TNKS: variants seen among roughly 807,000 people sequenced by gnomAD.
TNKS encodes poly [ADP-ribose] polymerase tankyrase-1.
In TNKS, 72 loss-of-function variants were observed where a neutral mutation model predicts 135.8. The observed-to-expected ratio is 0.53, with a 90% CI of 0.44 to 0.64. The LOEUF (loss-of-function observed/expected upper bound fraction) is 0.64. TNKS is among the 30% of genes least tolerant of loss of function. The probability of loss-of-function intolerance (pLI) is 0.00; values close to 1 mark genes in which losing one functional copy is unlikely to be tolerated. For missense variants in TNKS, 1,769 were observed against 1,674.0 expected, an observed-to-expected ratio of 1.06 and a Z score of -0.99; for synonymous variants, 849 against 649.3, an observed-to-expected ratio of 1.31 and a Z score of -4.68.
chr8:9,654,622 T>A (rs35882522), intron 3 of TNKS, among the ~76,000 whole-genome samples: 1 of 152,228 alleles, frequency 6.6e-6, no homozygotes, highest in Non-Finnish European at 1.5e-5. Flanking sequence ...AAAGTCTATG[T>A]CAGGTAAAAT....
chr8:9,652,608 A>G (rs901694000), intron 3 of TNKS, among the ~76,000 whole-genome samples: 1 of 152,186 alleles, frequency 6.6e-6, no homozygotes, highest in Non-Finnish European at 1.5e-5. Context: ...TTAAATATTA[A>G]TTCTTTTCAT....
chr8:9,769,870 C>T (rs1563223726), intron 25 of TNKS, among the ~76,000 whole-genome samples: 2 of 151,934 alleles, frequency 1.3e-5, no homozygotes, highest in East Asian at 1.9e-4. Flanking sequence ...TTTCTATGGC[C>T]GATTCCTAAG....
chr8:9,723,740 C>A (rs139316485), intron 12 of TNKS, among the ~76,000 whole-genome samples: 1,656 of 152,240 alleles, frequency 0.011, 14 homozygotes, highest in Admixed American at 0.016. Flanking sequence ...TTCAGGTATT[C>A]CGTAGTCACA....
rs781050349 is a variant in TNKS at position 9,608,515 on chromosome 8, G to A, written c.899-7067G>A. 2.0e-4 allele frequency among the ~76,000 whole-genome samples: 31 copies of A among 151,796 alleles called. 1 individual carries two copies. Among genetic ancestry groups the A allele is most frequent in the East Asian group, 3.9e-4 (2 of 5,180 alleles). Reference sequence around the variant, plus strand: ...CACTGCTCTTTCTCTAGCACCTTGCGACCTCTACTCACTTTGTTGTGCTCT... The same window carrying A: ...CACTGCTCTTTCTCTAGCACCTTGCAACCTCTACTCACTTTGTTGTGCTCT... On this transcript the variant is annotated intron_variant, in intron 2 of 26. Coordinates refer to ENST00000310430, the MANE Select transcript of TNKS (RefSeq NM_003747.3).
At chr8:9,711,075 A>G (rs998377425) in intron 11 of TNKS, among the ~76,000 whole-genome samples, 2 of 152,156 alleles carry the variant, frequency 1.3e-5, no homozygotes, top group African/African-American at 4.8e-5. Context: ...ACTTGAAATT[A>G]TAGATTTTTT....
intron 2 of TNKS, among the ~76,000 whole-genome samples, chr8:9,588,331 A>G (rs1448373794): frequency 6.6e-6 from 1 of 151,992 alleles, no homozygotes; most frequent in Non-Finnish European, 1.5e-5. Context: ...CTGGAGTACA[A>G]TGGCGGGATC....
chr8:9,733,508 A>G, intron 15 of TNKS, 64 bp downstream of exon 15: 1 of 1,399,838 alleles, frequency 7.1e-7, no homozygotes. Context: ...ATTACTTGAA[A>G]GTAAGTTGGG....
At chr8:9,669,300 C>A (rs1337412230) in intron 3 of TNKS, among the ~76,000 whole-genome samples, 1 of 151,358 alleles carries the variant, frequency 6.6e-6, no homozygotes, top group Non-Finnish European at 1.5e-5. Context: ...CGCCTGTAGT[C>A]CCAGCTACTC....
chr8:9,687,943 G>A (rs1313834483), intron 5 of TNKS, among the ~76,000 whole-genome samples: 2 of 152,154 alleles, frequency 1.3e-5, no homozygotes, highest in Admixed American at 6.5e-5. Context: ...CTTTACATTA[G>A]TAGAGTGGAT....
At chr8:9,620,773 C>G (rs1017996333) in intron 3 of TNKS, among the ~76,000 whole-genome samples, 3 of 152,238 alleles carry the variant, frequency 2.0e-5, no homozygotes, top group Non-Finnish European at 2.9e-5. Flanking sequence ...TCCTCAAAGA[C>G]GGCTTCTTGT....
intron 3 of TNKS, among the ~76,000 whole-genome samples, chr8:9,616,828 A>G (rs897150178): frequency 2.0e-5 from 3 of 152,096 alleles, no homozygotes; most frequent in Non-Finnish European, 2.9e-5. Flanking sequence ...AAATTTAAGT[A>G]TAAATATATA....
chr8:9,555,996 G>A lies in TNKS; in HGVS notation c.57G>A (p.Gln19=). The A allele has an allele frequency of 1.2e-6, 2 of 1,613,340 alleles. No homozygotes were observed. Among genetic ancestry groups the A allele is most frequent in the Non-Finnish European group, 1.7e-6 (2 of 1,179,888 alleles). ...HHHHHHQQQL[Q]PAPGASAPPP... is the part of the protein sequence containing the mutation. ...ACCACCATCATCAACAACAGCTCCA[G>A]CCCGCCCCAGGGGCTTCAGCGCCGC... Residue 19 remains glutamine, a synonymous_variant, in exon 1 of 27, where the codon CAG becomes CAA. Transcript: ENST00000310430.
chr8:9,663,992 C>T (rs1045139099), intron 3 of TNKS, among the ~76,000 whole-genome samples: 1 of 152,210 alleles, frequency 6.6e-6, no homozygotes, highest in African/African-American at 2.4e-5. Flanking sequence ...AAGTTCCACC[C>T]ATCCAGTCAC....
chr8:9,676,144 C>T (rs1185180016), intron 3 of TNKS, among the ~76,000 whole-genome samples: 3 of 151,716 alleles, frequency 2.0e-5, no homozygotes, highest in African/African-American at 7.3e-5. Flanking sequence ...TCCTGAGTAG[C>T]TGGAATTACA....
chr8:9,665,124 T>G (rs1163598137), intron 3 of TNKS, among the ~76,000 whole-genome samples: 3 of 152,212 alleles, frequency 2.0e-5, no homozygotes, highest in South Asian at 4.1e-4. Flanking sequence ...AGACTAAGTT[T>G]TCCTCCCCTC....
At chr8:9,679,038 G>T (rs1441748113) in intron 3 of TNKS, among the ~76,000 whole-genome samples, 2 of 152,028 alleles carry the variant, frequency 1.3e-5, no homozygotes, top group African/African-American at 4.8e-5. Context: ...AAAGAAATTT[G>T]TTTGTTAGAT....
chr8:9,602,241 GC>G (rs1354843674), intron 2 of TNKS, among the ~76,000 whole-genome samples: 1 of 152,214 alleles, frequency 6.6e-6, no homozygotes, highest in Non-Finnish European at 1.5e-5. Context: ...TGTAGGTTTA[GC>G]TAGTTGATTA....
chr8:9,772,635 A>C (rs78665383), intron 26 of TNKS, among the ~76,000 whole-genome samples: 13,412 of 152,162 alleles, frequency 0.088, 682 homozygotes, highest in South Asian at 0.15. Flanking sequence ...CAGAATTGGA[A>C]TATGGACATT....
At position 9,560,011 on chromosome 8, in the gene TNKS, G is replaced by T. The variant is rs1400297073; in HGVS notation, c.673+3399G>T. 2.0e-5 allele frequency among the ~76,000 whole-genome samples: 3 copies of T among 152,042 alleles called. No individual in the cohort carries two copies. In the East Asian group the frequency reaches 5.8e-4, roughly 29 times the overall value. On this transcript the variant is annotated intron_variant, in intron 1 of 26. Transcript: ENST00000310430. The stretch of plus-strand genomic sequence containing the variant: ...AAAGATGAGCCATTCTTTTATTGTT[G>T]ACTAGAATTTATATGAGACTTTTTC...
Sources: allele counts gnomAD v4.1 joint callset (sites outside exome capture counted in the v4.1 genomes callset), GRCh38; gene constraint gnomAD v4.1.1; transcripts MANE v1.5; gene names NCBI Gene and HGNC (gene_info 2026-07-23, HGNC 2026-07-21).